EIF5B: variants seen among roughly 807,000 people sequenced by gnomAD.
The protein encoded by EIF5B is eukaryotic translation initiation factor 5B, also known as eIF-5B.
Under a neutral mutation model 147.5 loss-of-function variants are expected in EIF5B, and 47 were observed. The observed-to-expected ratio is 0.32, with a 90% CI of 0.25 to 0.41. The LOEUF is 0.41. Among genes scored for constraint, EIF5B ranks in the 10% least tolerant of loss-of-function variants. The pLI is 1.00. For missense variants in EIF5B, 1,064 were observed against 1,413.2 expected (o/e 0.75, Z 3.96); for synonymous variants, 455 against 456.2 (o/e 1.00, Z 0.03).
At position 99,381,084 on chromosome 2, in the gene EIF5B, A is replaced by G. The variant is rs551292445; in HGVS notation, c.2062-1075A>G. Among the ~76,000 whole-genome samples, 7 of 152,254 alleles carry G rather than the reference A, an allele frequency of 4.6e-5. No homozygotes were observed. The East Asian group carries it at 1.3e-3, about 29-fold the overall frequency. On this transcript the variant is annotated intron_variant, in intron 12 of 23. Coordinates refer to ENST00000289371, the MANE Select transcript of EIF5B (RefSeq NM_015904.4). ...GAGTTTTCCAGTTATGTGGTGTTCT[A>G]TTATAATATGTAGTAGTGAATTTTT...
Position 99,401,248 on chromosome 2 carries a change from A to T in EIF5B, c.*1834A>T. 6.2e-7 allele frequency: 1 copy of T among 1,600,918 alleles called. No individual in the cohort carries two copies. The highest frequency in any genetic ancestry group is 8.6e-7 in the Non-Finnish European group (1 of 1,168,146). On this transcript the variant is annotated 3_prime_UTR_variant, in exon 24 of 24. Transcript: ENST00000289371. ...CAGGCTCTCTGGTAATATTTATGTA[A>T]CTTTTAATGTGCTTCCATAAGTTTG... is the stretch of plus-strand genomic sequence containing the variant.
rs201058940 is a variant in EIF5B, at chr2:99,361,274, A to G, written c.373A>G (p.Lys125Glu). The change falls in exon 4 of 24, where the codon AAG (lysine) becomes GAG (glutamate). Residue 125 changes from lysine to glutamate, a missense_variant. Physicochemically the swap from Lys to Glu is moderately conservative, Grantham distance 56 (BLOSUM62 1). Around this residue, in one of 4 missense-constraint regions of EIF5B, gnomAD observed 458 missense variants for 451.3 expected, o/e 1.01. Transcript: ENST00000289371. ...ELEDKDSKSKKTAKPKVEMYS... is the reference protein window; with the variant it reads ...ELEDKDSKSKETAKPKVEMYS... ...GGAAGATAAAGATTCAAAATCAAAA[A>G]AGACTGCAAAACCGAAAGTGGAAAT... 6.2e-7 allele frequency: 1 copy of G among 1,613,058 alleles called. No individual in the cohort carries two copies. Among genetic ancestry groups the G allele is most frequent in the Non-Finnish European group, 8.5e-7 (1 of 1,179,784 alleles).
At chr2:99,357,823 C>T (rs895783230) in intron 1 of EIF5B, among the ~76,000 whole-genome samples, 5 of 152,130 alleles carry the variant, frequency 3.3e-5, no homozygotes, top group Admixed American at 1.3e-4. Context: ...GTTCTTGTTA[C>T]CTGAAGAGAC....
intron 16 of EIF5B, 31 bp downstream of exon 16, chr2:99,390,432 T>G (rs747132815): frequency 6.4e-7 from 1 of 1,571,418 alleles, no homozygotes; most frequent in South Asian, 1.2e-5. Flanking sequence ...TTATTGTTTT[T>G]TTTTTTTTTA....
chr2:99,392,540 A>G (rs555098328), intron 17 of EIF5B, among the ~76,000 whole-genome samples: 2 of 152,202 alleles, frequency 1.3e-5, no homozygotes, highest in East Asian at 3.9e-4. Flanking sequence ...TTAGGTTTTA[A>G]ATTTTTTTTG....
At chr2:99,373,830 T>C (rs1360163572) in intron 9 of EIF5B, among the ~76,000 whole-genome samples, 1 of 152,242 alleles carries the variant, frequency 6.6e-6, no homozygotes, top group Non-Finnish European at 1.5e-5. Flanking sequence ...TTTTATTTTT[T>C]TTTCCTTTCA....
intron 1 of EIF5B, among the ~76,000 whole-genome samples, chr2:99,339,027 C>T (rs1332586660): frequency 1.6e-5 from 2 of 128,592 alleles, no homozygotes; most frequent in African/African-American, 5.9e-5. Flanking sequence ...TTTTTTGAGA[C>T]GGAGTTTCCC....
intron 14 of EIF5B, among the ~76,000 whole-genome samples, chr2:99,387,940 T>C (rs1361024283): frequency 6.6e-6 from 1 of 152,238 alleles, no homozygotes; most frequent in Non-Finnish European, 1.5e-5. Context: ...CCCAAAGTGC[T>C]AAGATTTAAG....
intron 10 of EIF5B, 31 bp downstream of exon 10, chr2:99,376,667 C>A: frequency 6.4e-7 from 1 of 1,565,908 alleles, no homozygotes; most frequent in South Asian, 1.2e-5. Context: ...CTCTACTTTT[C>A]TTCCCACTCC....
intron 1 of EIF5B, among the ~76,000 whole-genome samples, chr2:99,351,958 C>T (rs1673976290): frequency 6.6e-6 from 1 of 152,106 alleles, no homozygotes; most frequent in Admixed American, 6.5e-5. Flanking sequence ...CCTCGGCCTC[C>T]CAAAGTGTTG....
intron 13 of EIF5B, 58 bp downstream of exon 13, chr2:99,382,284 A>G (rs1674706783): frequency 6.8e-7 from 1 of 1,467,946 alleles, no homozygotes; most frequent in Admixed American, 1.7e-5. Context: ...ATTAAGTCTA[A>G]AAGTTCAGCA....
intron 1 of EIF5B, among the ~76,000 whole-genome samples, chr2:99,344,901 C>G (rs2094269310): frequency 6.6e-6 from 1 of 152,138 alleles, no homozygotes; most frequent in African/African-American, 2.4e-5. Context: ...TTTCTTTTCT[C>G]CATTATCTTG....
At chr2:99,370,690 A>G (rs1460438707) in intron 8 of EIF5B, among the ~76,000 whole-genome samples, 1 of 152,352 alleles carries the variant, frequency 6.6e-6, no homozygotes, top group East Asian at 1.9e-4. Flanking sequence ...TGATTATTTC[A>G]GGGAAGCAGG....
At chr2:99,386,697 T>C (rs1050826038) in intron 14 of EIF5B, among the ~76,000 whole-genome samples, 4 of 150,786 alleles carry the variant, frequency 2.7e-5, no homozygotes, top group Non-Finnish European at 4.4e-5. Flanking sequence ...CCGGTTAGGG[T>C]TGTTTTTTTC....
chr2:99,352,018 T>C (rs969372811), intron 1 of EIF5B, among the ~76,000 whole-genome samples: 5 of 152,112 alleles, frequency 3.3e-5, no homozygotes, highest in African/African-American at 1.2e-4. Context: ...AGTTTTAATT[T>C]ATGCTTCCTT....
chr2:99,395,031 A>G, intron 21 of EIF5B, 148 bp downstream of exon 21: 1 of 755,374 alleles, frequency 1.3e-6, no homozygotes, highest in Non-Finnish European at 2.1e-6. Context: ...TACAAACCAG[A>G]AACCCAACAT....
chr2:99,394,975 A>G (rs1675013054), intron 21 of EIF5B, 92 bp downstream of exon 21: 3 of 1,222,886 alleles, frequency 2.5e-6, no homozygotes, highest in Admixed American at 5.6e-5. Flanking sequence ...CAGCAAAATC[A>G]TGGCATTTAC....
intron 15 of EIF5B, 41 bp from the exon 16 acceptor site, chr2:99,390,178 T>G (rs752376066): frequency 1.2e-6 from 2 of 1,610,990 alleles, no homozygotes; most frequent in South Asian, 2.2e-5. Context: ...CCAGATACGT[T>G]TTCTTTACAG....
intron 14 of EIF5B, among the ~76,000 whole-genome samples, chr2:99,385,143 T>G (rs1397524044): frequency 6.6e-6 from 1 of 151,854 alleles, no homozygotes; most frequent in Non-Finnish European, 1.5e-5. Flanking sequence ...GCCTTCCGGG[T>G]TCAAGCGATT....
Sources: allele counts gnomAD v4.1 joint callset (sites outside exome capture counted in the v4.1 genomes callset), GRCh38; gene constraint gnomAD v4.1.1; regional missense constraint gnomAD v4.1.1; transcripts MANE v1.5; gene names NCBI Gene and HGNC (gene_info 2026-07-23, HGNC 2026-07-21).